The following GALR2 variants were observed in gnomAD, a reference collection of about 807,000 sequenced individuals.
GALR2 encodes galanin receptor 2, also known as galanin receptor type 2.
In GALR2, 5 loss-of-function variants were observed where a neutral mutation model predicts 7.2. The ratio of observed to expected loss-of-function variants is 0.69; its 90% CI spans 0.36 to 1.45. The LOEUF is 1.45. Ranked by LOEUF, GALR2 falls within the 40% of genes most tolerant of loss-of-function variation. GALR2 has a pLI of 0.03. For missense variants in GALR2, 561 were observed against 555.7 expected, an observed-to-expected ratio of 1.01 and a Z score of -0.10; for synonymous variants, 300 against 263.9, an observed-to-expected ratio of 1.14 and a Z score of -1.32.
Position 76,077,324 on chromosome 17 carries a change from C to A in GALR2, c.1057C>A (p.Arg353Ser). Reference protein sequence around the residue: ...LHMSEAAGALRPCPGASQPCI... With the variant: ...LHMSEAAGALSPCPGASQPCI... ...CATGAGCGAGGCGGCGGGGGCCCTT[C>A]GTCCCTGCCCCGGCGCTTCCCAGCC... Residue 353 changes from arginine (R) to serine (S), a missense_variant, in exon 2 of 2, where the codon CGT becomes AGT. Coordinates refer to ENST00000329003, the MANE Select transcript of GALR2 (RefSeq NM_003857.4). 1 of 1,573,664 alleles carries A rather than the reference C, an allele frequency of 6.4e-7. No individual in the cohort carries two copies. Among genetic ancestry groups the A allele is most frequent in the Non-Finnish European group, 8.6e-7 (1 of 1,167,426 alleles).
chr17:76,072,243 C>A (rs1278171060), upstream of GALR2: 2 of 1,599,272 alleles, frequency 1.3e-6, no homozygotes, highest in African/African-American at 1.4e-5. The surrounding 1 kb of genome is among the most constrained non-coding windows in gnomAD (Gnocchi z 4.5). Flanking sequence ...CGCCGCCTCT[C>A]CCGCCCCCAG....
At position 76,077,378 on chromosome 17, in the gene GALR2, T is replaced by C; in HGVS notation, c.1111T>C (p.Ser371Pro). 2 of 1,487,370 alleles carry C rather than the reference T, an allele frequency of 1.3e-6. No homozygotes were observed. The highest frequency in any genetic ancestry group is 1.4e-5 in the African/African-American group (1 of 70,620). 92.1% of individuals were successfully genotyped at this position (1,487,370 alleles called of 1,614,324 possible). ...CATCCTCGAGCCCTGTCCTGGCCCG[T>C]CCTGGCAGGGCCCAAAGGCAGGCGA... Reference protein sequence around the residue: ...PCILEPCPGPSWQGPKAGDSI... With the variant: ...PCILEPCPGPPWQGPKAGDSI... The change falls in exon 2 of 2, where the codon TCC becomes CCC. Residue 371 changes from serine (S) to proline (P), a missense_variant. Coordinates refer to ENST00000329003, the MANE Select transcript of GALR2 (RefSeq NM_003857.4).
upstream of GALR2, among the ~76,000 whole-genome samples, chr17:76,074,399 C>T (rs953852261): frequency 1.9e-4 from 29 of 152,332 alleles, no homozygotes; most frequent in African/African-American, 7.0e-4. The surrounding 1 kb of genome is among the most constrained non-coding windows in gnomAD (Gnocchi z 6.7). Context: ...CTCGACGGTC[C>T]CGGGATATCC....
In GALR2 at chr17:76,076,747, C is replaced by T; in HGVS notation, c.480C>T (p.Tyr160=). 1 of 1,605,624 alleles carries T rather than the reference C, an allele frequency of 6.2e-7. No homozygotes were observed. Among genetic ancestry groups the T allele is most frequent in the African/African-American group, 1.3e-5 (1 of 75,056 alleles). ...TGTCGCTGCTCTTCTCCGGGCCCTA[C>T]CTGAGCTACTACCGCCAGTCGCAGC... ...WGLSLLFSGP[Y]LSYYRQSQLA... is the part of the protein sequence containing the mutation. Residue 160 remains tyrosine (Y), a synonymous_variant, in exon 2 of 2, where the codon TAC becomes TAT. Coordinates refer to ENST00000329003, the MANE Select transcript of GALR2 (RefSeq NM_003857.4). This position sits in a 1 kb window ranked among gnomAD's most constrained non-coding sequence, Gnocchi z 6.5.
At chr17:76,072,515 G>C, upstream of GALR2, 1 of 1,576,352 alleles carries the variant, frequency 6.3e-7, no homozygotes, top group Non-Finnish European at 8.5e-7. The surrounding 1 kb of genome is among the most constrained non-coding windows in gnomAD (Gnocchi z 4.5). Context: ...CGCAGAGCAA[G>C]ACGGGATAGG....
chr17:76,077,059 C>T lies in GALR2; in HGVS notation c.792C>T (p.Phe264=), dbSNP rs1241334572. ...TCCTCTGCGTGTGGTTCGGCCAGTT[C>T]CCGCTCACGCGCGCCACTTATGCGC... ...ALILCVWFGQ[F]PLTRATYALR... Residue 264 remains phenylalanine (F), a synonymous_variant, in exon 2 of 2, where the codon TTC becomes TTT. Transcript: ENST00000329003. 3.7e-6 allele frequency: 6 copies of T among 1,613,014 alleles called. No homozygotes were observed. The highest frequency in any genetic ancestry group is 1.3e-5 in the African/African-American group (1 of 75,066).
chr17:76,072,284 T>A (rs761887868), upstream of GALR2: 2 of 1,607,606 alleles, frequency 1.2e-6, no homozygotes, highest in African/African-American at 2.7e-5. The surrounding 1 kb of genome is among the most constrained non-coding windows in gnomAD (Gnocchi z 4.5). Context: ...TCATTGCGAG[T>A]TAGGCCCGAT....
upstream of GALR2, among the ~76,000 whole-genome samples, chr17:76,073,031 G>C (rs2066868654): frequency 6.6e-6 from 1 of 152,196 alleles, no homozygotes; most frequent in South Asian, 2.1e-4. Flanking sequence ...GTGTCCTAAC[G>C]GGGTGACTTT....
chr17:76,072,328 C>T, upstream of GALR2: 1 of 1,612,470 alleles, frequency 6.2e-7, no homozygotes, highest in South Asian at 1.1e-5. This position sits in a 1 kb window ranked among gnomAD's most constrained non-coding sequence, Gnocchi z 4.5. Flanking sequence ...CAGGCTATCC[C>T]CAAATTCTTT....
At chr17:76,072,554 G>A, upstream of GALR2, 1 of 1,532,772 alleles carries the variant, frequency 6.5e-7, no homozygotes, top group South Asian at 1.3e-5. The surrounding 1 kb of genome is among the most constrained non-coding windows in gnomAD (Gnocchi z 4.5). Flanking sequence ...GCGGGTGAGA[G>A]CTGGACCTGC....
In GALR2 at chr17:76,075,154, T is replaced by A; in HGVS notation, c.271T>A (p.Trp91Arg). The change falls in exon 1 of 2, where the codon TGG becomes AGG. Residue 91 changes from tryptophan to arginine, a missense_variant. Trp to Arg is a moderately radical substitution (Grantham distance 101). Coordinates refer to ENST00000329003, the MANE Select transcript of GALR2 (RefSeq NM_003857.4). The surrounding 1 kb of genome is among the most constrained non-coding windows in gnomAD (Gnocchi z 5.9). The stretch of plus-strand genomic sequence containing the variant: ...GGCCACCATCTACACCCTGGACGGC[T>A]GGGTGTTCGGCTCGCTGCTGTGCAA... ...FQATIYTLDG[W>R]VFGSLLCKAV... 1 of 1,612,382 alleles carries A rather than the reference T, an allele frequency of 6.2e-7. No homozygotes were observed. Among genetic ancestry groups the A allele is most frequent in the Non-Finnish European group, 8.5e-7 (1 of 1,179,828 alleles).
chr17:76,076,122 C>T lies in GALR2; in HGVS notation c.369-514C>T, dbSNP rs1184660448. ...CACTGAGCGCGAAGTGCGTTGGTTC[C>T]GAGCGCGCTGGTGGGATCCACAAAG... is the stretch of plus-strand genomic sequence containing the variant. On this transcript the variant is annotated intron_variant, in intron 1 of 1. Coordinates refer to ENST00000329003, the MANE Select transcript of GALR2 (RefSeq NM_003857.4). This position sits in a 1 kb window ranked among gnomAD's most constrained non-coding sequence, Gnocchi z 6.5. Among the ~76,000 whole-genome samples the T allele has an allele frequency of 6.6e-6, 1 of 152,244 alleles. No homozygotes were observed. Among genetic ancestry groups the T allele is most frequent in the Non-Finnish European group, 1.5e-5 (1 of 68,042 alleles).
chr17:76,076,955 G>T lies in GALR2; in HGVS notation c.688G>T (p.Ala230Ser). Reference sequence around the variant, plus strand: ...GGCCGCGGGCTCGGGTGCCCGGCGCGCCAAGCGCAAGGTGACACGCATGAT... The same window carrying T: ...GGCCGCGGGCTCGGGTGCCCGGCGCTCCAAGCGCAAGGTGACACGCATGAT... Reference protein sequence around the residue: ...PVAAGSGARRAKRKVTRMILI... With the variant: ...PVAAGSGARRSKRKVTRMILI... Residue 230 changes from alanine (A) to serine (S), a missense_variant, in exon 2 of 2, where the codon GCC becomes TCC. Coordinates refer to ENST00000329003, the MANE Select transcript of GALR2 (RefSeq NM_003857.4). This position sits in a 1 kb window ranked among gnomAD's most constrained non-coding sequence, Gnocchi z 6.5. The T allele has an allele frequency of 1.9e-6, 3 of 1,602,912 alleles. No individual in the cohort carries two copies. Among genetic ancestry groups the T allele is most frequent in the Non-Finnish European group, 1.7e-6 (2 of 1,178,496 alleles).
Position 76,074,859 on chromosome 17 carries a change from G to A in GALR2, c.-25G>A. On this transcript the variant is annotated 5_prime_UTR_variant, in exon 1 of 2. Coordinates refer to ENST00000329003, the MANE Select transcript of GALR2 (RefSeq NM_003857.4). The surrounding 1 kb of genome is among the most constrained non-coding windows in gnomAD (Gnocchi z 6.7). ...GAGACCCAGACGGCTGCAGGAGCCC[G>A]GGCAGCCTCGGGGTCAGCGGCACCA... 3.4e-6 allele frequency: 5 copies of A among 1,472,900 alleles called. No homozygotes were observed. The highest frequency in any genetic ancestry group is 1.4e-5 in the South Asian group (1 of 73,736). 91.2% of individuals were successfully genotyped at this position (1,472,900 alleles called of 1,614,324 possible). A position where few individuals can be genotyped will look rare whatever the true frequency, so the allele number is the denominator to read the frequency against.
rs560267703 is a variant in GALR2 at position 76,075,680 on chromosome 17, G to A, written c.368+429G>A. ...GTGAAGTGACCGTCTGTCTCCTGCA[G>A]CCAACTTCAGGCGCCTCCACTGCGC... On this transcript the variant is annotated intron_variant, in intron 1 of 1. Transcript: ENST00000329003. This position sits in a 1 kb window ranked among gnomAD's most constrained non-coding sequence, Gnocchi z 5.9. 2.4e-4 allele frequency among the ~76,000 whole-genome samples: 36 copies of A among 152,342 alleles called. No homozygotes were observed. The highest frequency in any genetic ancestry group is 8.7e-4 in the African/African-American group (36 of 41,596).
chr17:76,072,519 G>C, upstream of GALR2: 2 of 1,567,650 alleles, frequency 1.3e-6, no homozygotes, highest in Non-Finnish European at 1.7e-6. The surrounding 1 kb of genome is among the most constrained non-coding windows in gnomAD (Gnocchi z 4.5). Context: ...GAGCAAGACG[G>C]GATAGGGGAG....
At chr17:76,073,297 A>ATT (rs1200967640), upstream of GALR2, among the ~76,000 whole-genome samples, 571 of 129,766 alleles carry the variant, frequency 4.4e-3, 9 homozygotes, top group African/African-American at 0.015. Context: ...TAAATGACGG[A>ATT]TTTTTTTTTT....
upstream of GALR2, among the ~76,000 whole-genome samples, chr17:76,074,242 G>A (rs2066876181): frequency 1.3e-5 from 2 of 152,322 alleles, no homozygotes; most frequent in South Asian, 4.1e-4. This position sits in a 1 kb window ranked among gnomAD's most constrained non-coding sequence, Gnocchi z 6.7. Context: ...TTTGAACCCG[G>A]GAGACGGAGG....
chr17:76,075,307 G>A lies in GALR2; in HGVS notation c.368+56G>A. On this transcript the variant is annotated intron_variant, in intron 1 of 1. Transcript: ENST00000329003. This position sits in a 1 kb window ranked among gnomAD's most constrained non-coding sequence, Gnocchi z 5.9. ...TGGGCATCCACGCGGGGGATGGAGC[G>A]GGAGGCGGGACTGGGGACCAAGAAG... 6.4e-7 allele frequency: 1 copy of A among 1,551,900 alleles called. No individual in the cohort carries two copies. Among genetic ancestry groups the A allele is most frequent in the Non-Finnish European group, 8.7e-7 (1 of 1,152,272 alleles).
Sources: allele counts gnomAD v4.1 joint callset (sites outside exome capture counted in the v4.1 genomes callset), GRCh38; gene constraint gnomAD v4.1.1; non-coding constraint Gnocchi (gnomAD v3.1); transcripts MANE v1.5; gene names NCBI Gene and HGNC (gene_info 2026-07-23, HGNC 2026-07-21).